The following DOCK2 variants were observed in gnomAD, a reference collection of about 807,000 sequenced individuals.
The protein encoded by DOCK2 is dedicator of cytokinesis 2.
DOCK2 carries 87 observed loss-of-function variants against 248.9 expected under a neutral mutation model. The observed-to-expected ratio is 0.35, with a 90% CI of 0.29 to 0.42. DOCK2 has a LOEUF of 0.42. Ranked by LOEUF, DOCK2 falls within the 10% of genes least tolerant of loss-of-function variation. The pLI, the probability that DOCK2 is intolerant of heterozygous loss-of-function variation, is 1.00. For missense variants in DOCK2, 1,747 were observed against 2,300.2 expected (o/e 0.76, Z 4.92); for synonymous variants, 805 against 821.6 (o/e 0.98, Z 0.35).
At chr5:169,900,024 A>C (rs2113574359) in intron 27 of DOCK2, among the ~76,000 whole-genome samples, 1 of 152,284 alleles carries the variant, frequency 6.6e-6, no homozygotes, top group Admixed American at 6.5e-5. Flanking sequence ...CGAAACCACA[A>C]GCTGTCTTTT....
chr5:169,931,772 G>A (rs758780794), intron 27 of DOCK2, among the ~76,000 whole-genome samples: 3 of 152,172 alleles, frequency 2.0e-5, no homozygotes, highest in Non-Finnish European at 4.4e-5. Flanking sequence ...TGGAAGCACA[G>A]CCAAGTGGCC....
intron 1 of DOCK2, among the ~76,000 whole-genome samples, chr5:169,643,039 C>T (rs748538702): frequency 6.6e-6 from 1 of 152,148 alleles, no homozygotes; most frequent in South Asian, 2.1e-4. Context: ...CTTATCACCA[C>T]GCAACTCCAG....
chr5:170,060,815 A>G (rs1388004165), intron 44 of DOCK2, among the ~76,000 whole-genome samples: 1 of 152,128 alleles, frequency 6.6e-6, no homozygotes, highest in Admixed American at 6.5e-5. Flanking sequence ...GCGGATCACA[A>G]GGTTAGGAGT....
At chr5:170,002,170 A>G (rs1754857720) in intron 30 of DOCK2, among the ~76,000 whole-genome samples, 1 of 152,066 alleles carries the variant, frequency 6.6e-6, no homozygotes, top group South Asian at 2.1e-4. Flanking sequence ...AATGTATACT[A>G]CAAATGTAGT....
intron 23 of DOCK2, among the ~76,000 whole-genome samples, chr5:169,750,432 A>G (rs552126974): frequency 1.3e-5 from 2 of 152,362 alleles, no homozygotes; most frequent in Non-Finnish European, 1.5e-5. Context: ...TTAACTTCTC[A>G]ATGCCTCAGT....
At chr5:169,760,625 T>C (rs1358559387) in intron 24 of DOCK2, among the ~76,000 whole-genome samples, 1 of 152,202 alleles carries the variant, frequency 6.6e-6, no homozygotes, top group Non-Finnish European at 1.5e-5. Context: ...CTGGATATTG[T>C]AAATAAATTA....
chr5:169,668,833 A>G (rs754254494), intron 2 of DOCK2, among the ~76,000 whole-genome samples: 54 of 152,266 alleles, frequency 3.5e-4, no homozygotes, highest in South Asian at 8.3e-4. Context: ...TGTCAGTGTT[A>G]TTTTAGGATG....
At chr5:169,864,949 G>A (rs1349916903) in intron 27 of DOCK2, among the ~76,000 whole-genome samples, 1 of 152,204 alleles carries the variant, frequency 6.6e-6, no homozygotes, top group African/African-American at 2.4e-5. Context: ...GAAATGCTCA[G>A]AGTAGTGCCT....
intron 26 of DOCK2, among the ~76,000 whole-genome samples, chr5:169,826,943 C>G (rs1768901544): frequency 6.8e-6 from 1 of 146,514 alleles, no homozygotes; most frequent in South Asian, 2.2e-4. Flanking sequence ...TGCTAATACA[C>G]TGTGGTCTCT....
chr5:169,822,998 G>A (rs1029144526), intron 26 of DOCK2, among the ~76,000 whole-genome samples: 3 of 152,162 alleles, frequency 2.0e-5, no homozygotes, highest in Non-Finnish European at 4.4e-5. Context: ...CCACCTCTAT[G>A]CAAATAAACT....
chr5:170,049,909 T>G (rs1259783725), intron 40 of DOCK2, among the ~76,000 whole-genome samples: 9 of 152,204 alleles, frequency 5.9e-5, no homozygotes, highest in Non-Finnish European at 1.3e-4. Context: ...CATGGCCCAT[T>G]ACAGGCAACG....
intron 29 of DOCK2, among the ~76,000 whole-genome samples, chr5:169,994,168 A>G (rs899626221): frequency 6.6e-6 from 1 of 152,170 alleles, no homozygotes; most frequent in African/African-American, 2.4e-5. Flanking sequence ...AAGTATGGGT[A>G]TAGATCATAG....
At chr5:169,985,622 G>C (rs78505785) in intron 28 of DOCK2, among the ~76,000 whole-genome samples, 1 of 151,940 alleles carries the variant, frequency 6.6e-6, no homozygotes, top group East Asian at 1.9e-4. Context: ...GAACATTTTC[G>C]CATCCCATAT....
intron 27 of DOCK2, among the ~76,000 whole-genome samples, chr5:169,855,348 G>A (rs868519466): frequency 2.0e-5 from 3 of 152,164 alleles, no homozygotes; most frequent in Admixed American, 6.5e-5. Flanking sequence ...TCCCTGGTAG[G>A]GAAAACAGAA....
intron 27 of DOCK2, among the ~76,000 whole-genome samples, chr5:169,939,107 C>T (rs1405759505): frequency 6.6e-6 from 1 of 151,796 alleles, no homozygotes; most frequent in African/African-American, 2.4e-5. Flanking sequence ...GGTTTCACCG[C>T]ATTAGCCAGG....
chr5:169,698,302 G>A, intron 10 of DOCK2, 72 bp from the exon 11 acceptor site: 2 of 1,519,924 alleles, frequency 1.3e-6, no homozygotes, highest in Middle Eastern at 1.7e-4. Flanking sequence ...TGTCCCATAA[G>A]CTCATCCCAC....
At chr5:169,780,333 G>GTGTGTGTGTGTGTGTGTGGA (rs1554100110) in intron 25 of DOCK2, among the ~76,000 whole-genome samples, 3 of 144,986 alleles carry the variant, frequency 2.1e-5, no homozygotes, top group African/African-American at 8.3e-5. Flanking sequence ...GTGTGTGTGT[G>GTGTGTGTGTGTGTGTGTGGA]TGTGTGTTGA....
At chr5:169,755,166 G>A (rs1361281469) in intron 23 of DOCK2, among the ~76,000 whole-genome samples, 1 of 151,834 alleles carries the variant, frequency 6.6e-6, no homozygotes, top group African/African-American at 2.4e-5. Flanking sequence ...GGCTGGTCTT[G>A]AAACCCTGGG....
intron 27 of DOCK2, among the ~76,000 whole-genome samples, chr5:169,971,672 C>T (rs1266996298): frequency 2.0e-5 from 3 of 152,174 alleles, no homozygotes; most frequent in African/African-American, 7.2e-5. Context: ...AGAGCAAGGA[C>T]TTTGGGTAGC....
Sources: allele counts gnomAD v4.1 joint callset (sites outside exome capture counted in the v4.1 genomes callset), GRCh38; gene constraint gnomAD v4.1.1; transcripts MANE v1.5; gene names NCBI Gene and HGNC (gene_info 2026-07-23, HGNC 2026-07-21).